Variants in KLHL18 observed in about 807,000 individuals in gnomAD.
KLHL18 encodes the protein kelch like family member 18.
KLHL18 carries 38 observed loss-of-function variants against 58.5 expected under a neutral mutation model. The ratio of observed to expected loss-of-function variants is 0.65; its 90% CI spans 0.50 to 0.85. The LOEUF is 0.85. KLHL18 is among the 40% of genes least tolerant of loss of function. KLHL18 has a pLI of 0.00. For missense variants in KLHL18, 624 were observed against 778.4 expected (o/e 0.80, Z 2.36); for synonymous variants, 303 against 301.9 (o/e 1.00, Z -0.04).
chr3:47,290,327 G>T (rs1702765272), intron 1 of KLHL18, among the ~76,000 whole-genome samples: 1 of 152,184 alleles, frequency 6.6e-6, no homozygotes, highest in Admixed American at 6.5e-5. Flanking sequence ...TTAGACATAT[G>T]AATTCTTGAC....
Position 47,345,137 on chromosome 3 carries a change from T to C in KLHL18, c.*1196T>C, listed in dbSNP as rs1050390061. On this transcript the variant is annotated 3_prime_UTR_variant, in exon 10 of 10. Transcript: ENST00000232766. ...GTCTGGCCAGATTCTCACTTGCCCA[T>C]CAATCTCGTTCTTGGATGATTTCCC... 11 of 152,418 alleles carry C rather than the reference T, an allele frequency of 7.2e-5. No homozygotes were observed. Among genetic ancestry groups the C allele is most frequent in the Non-Finnish European group, 1.5e-4 (10 of 68,082 alleles). The allele number at this position is 152,418 out of a possible 1,614,324, so 9.4% of individuals were successfully genotyped here. A position where few individuals can be genotyped will look rare whatever the true frequency, so the allele number is the denominator to read the frequency against.
At chr3:47,333,026 C>A in intron 4 of KLHL18, 131 bp from the exon 5 acceptor site, 1 of 845,984 alleles carries the variant, frequency 1.2e-6, no homozygotes, top group Non-Finnish European at 1.8e-6. Flanking sequence ...ATTTCAGAGA[C>A]AAGTAGGAGA....
intron 8 of KLHL18, among the ~76,000 whole-genome samples, chr3:47,341,491 G>A (rs563998802): frequency 6.6e-6 from 1 of 152,268 alleles, no homozygotes; most frequent in East Asian, 1.9e-4. Context: ...AGAGCAGAGA[G>A]AACCTTCATC....
intron 3 of KLHL18, among the ~76,000 whole-genome samples, chr3:47,327,829 AG>A (rs1257011653): frequency 4.6e-5 from 7 of 152,344 alleles, no homozygotes; most frequent in Non-Finnish European, 1.0e-4. Context: ...GTCAACTGCT[AG>A]GGGACAATAG....
At chr3:47,335,235 C>T (rs150878211) in intron 6 of KLHL18, among the ~76,000 whole-genome samples, 128 of 152,288 alleles carry the variant, frequency 8.4e-4, no homozygotes, top group African/African-American at 2.8e-3. Flanking sequence ...GACCCAGTTC[C>T]ATACCAGGCT....
At chr3:47,307,098 G>A (rs2107605152) in intron 1 of KLHL18, among the ~76,000 whole-genome samples, 1 of 151,788 alleles carries the variant, frequency 6.6e-6, no homozygotes, top group Middle Eastern at 3.4e-3. Flanking sequence ...TCGAGATGGA[G>A]TCTTGCTCCG....
intron 1 of KLHL18, among the ~76,000 whole-genome samples, chr3:47,287,994 G>A (rs978948072): frequency 6.6e-6 from 1 of 152,030 alleles, no homozygotes; most frequent in African/African-American, 2.4e-5. Flanking sequence ...AGGCCGAGAT[G>A]GGCAGATCAC....
intron 1 of KLHL18, among the ~76,000 whole-genome samples, chr3:47,297,110 G>C (rs1426863714): frequency 6.6e-6 from 1 of 152,188 alleles, no homozygotes. Context: ...CAGCTGGTCA[G>C]CTACTTCCTT....
intron 1 of KLHL18, among the ~76,000 whole-genome samples, chr3:47,301,968 A>G (rs1466528309): frequency 6.6e-6 from 1 of 151,950 alleles, no homozygotes; most frequent in Non-Finnish European, 1.5e-5. Context: ...TGCCCAGCTA[A>G]CTTTTTTATT....
At position 47,346,233 on chromosome 3, in the gene KLHL18, G is replaced by T. The variant is rs138340880; in HGVS notation, c.*2292G>T. The T allele has an allele frequency of 2.6e-5, 4 of 152,726 alleles. No individual in the cohort carries two copies. The highest frequency in any genetic ancestry group is 7.2e-5 in the African/African-American group (3 of 41,542). 9.5% of individuals were successfully genotyped at this position (152,726 alleles called of 1,614,324 possible). A position where few individuals can be genotyped will look rare whatever the true frequency, so the allele number is the denominator to read the frequency against. On this transcript the variant is annotated 3_prime_UTR_variant, in exon 10 of 10. Coordinates refer to ENST00000232766, the MANE Select transcript of KLHL18 (RefSeq NM_025010.5). ...TTTTCTACCATGGCCTGCTGCTCTT[G>T]TAGTGGACTTCCTGAGTCCAATCCC...
chr3:47,317,175 C>T (rs925786080), intron 1 of KLHL18, among the ~76,000 whole-genome samples: 2 of 152,240 alleles, frequency 1.3e-5, no homozygotes, highest in East Asian at 1.9e-4. Flanking sequence ...TGCAGTGGTA[C>T]GGTGTCTGCT....
Position 47,344,413 on chromosome 3 carries a change from C to G in KLHL18, c.*472C>G, listed in dbSNP as rs539601754. 5.2e-5 allele frequency: 10 copies of G among 191,172 alleles called. No homozygotes were observed. In the East Asian group the frequency reaches 1.7e-3, roughly 33 times the overall value. The allele number at this position is 191,172 out of a possible 1,614,324, so 11.8% of individuals were successfully genotyped here. A position where few individuals can be genotyped will look rare whatever the true frequency, so the allele number is the denominator to read the frequency against. On this transcript the variant is annotated 3_prime_UTR_variant, in exon 10 of 10. Transcript: ENST00000232766. The stretch of plus-strand genomic sequence containing the variant: ...GAAAGGACAGACCCAAGCGTTCTCC[C>G]TGCCTGAGATGGTGTGGCCACAGCA...
At chr3:47,331,712 C>T (rs1703866802) in intron 4 of KLHL18, among the ~76,000 whole-genome samples, 2 of 150,544 alleles carry the variant, frequency 1.3e-5, no homozygotes, top group African/African-American at 4.9e-5. Flanking sequence ...GGATTACAGG[C>T]GTGAGCCACT....
Position 47,319,675 on chromosome 3 carries a change from C to T in KLHL18, c.152C>T (p.Ala51Val). The part of the protein sequence containing the change: ...TLKIGDHKFS[A>V]HRIVLAASIP... ...CAGATTGGGGACCACAAATTCAGTG[C>T]CCACCGGATTGTCTTAGCAGCCTCG... The change falls in exon 2 of 10, where the codon GCC becomes GTC. Residue 51 changes from alanine (A) to valine (V), a missense_variant. Transcript: ENST00000232766. 1.2e-6 allele frequency: 2 copies of T among 1,613,712 alleles called. No individual in the cohort carries two copies. The highest frequency in any genetic ancestry group is 1.7e-6 in the Non-Finnish European group (2 of 1,179,754).
At chr3:47,283,191 G>C (rs1265352622) in intron 1 of KLHL18, 97 bp downstream of exon 1, 3 of 1,175,156 alleles carry the variant, frequency 2.6e-6, no homozygotes, top group Non-Finnish European at 3.6e-6. Flanking sequence ...AGCAGGGAGA[G>C]GGGTGGGGAG....
chr3:47,294,025 C>T (rs1702845220), intron 1 of KLHL18, among the ~76,000 whole-genome samples: 1 of 152,122 alleles, frequency 6.6e-6, no homozygotes, highest in Non-Finnish European at 1.5e-5. Flanking sequence ...CTCAGTAAAC[C>T]ACTGTCCTAA....
rs1265582026 is a variant in KLHL18 at position 47,340,690 on chromosome 3, C to T, written c.1226+14C>T. The T allele has an allele frequency of 1.2e-6, 2 of 1,613,570 alleles. No individual in the cohort carries two copies. The highest frequency in any genetic ancestry group is 1.7e-6 in the Non-Finnish European group (2 of 1,179,740). On this transcript the variant is annotated intron_variant, in intron 8 of 9. Coordinates refer to ENST00000232766, the MANE Select transcript of KLHL18 (RefSeq NM_025010.5). ...TGAGACGGACAAGTAAGGACTCCAG[C>T]TCCCTTGGGGCAACTGGAGCTTATA... is the stretch of plus-strand genomic sequence containing the variant.
At chr3:47,309,708 A>C (rs908770465) in intron 1 of KLHL18, among the ~76,000 whole-genome samples, 26 of 152,360 alleles carry the variant, frequency 1.7e-4, no homozygotes, top group Non-Finnish European at 2.9e-4. Context: ...AGCCTGGGCA[A>C]CATTGAGCAC....
intron 7 of KLHL18, chr3:47,338,199 A>G (rs1367564782): frequency 3.3e-5 from 5 of 151,996 alleles, no homozygotes; most frequent in African/African-American, 1.2e-4. Flanking sequence ...CCTTTCTTAC[A>G]CTGGACTATT....
Sources: gnomAD v4.1 joint callset for allele counts (sites outside exome capture counted in the v4.1 genomes callset) on GRCh38, gnomAD v4.1.1 for gene constraint, MANE v1.5 for transcripts, NCBI Gene and HGNC (gene_info 2026-07-23, HGNC 2026-07-21) for gene names.